SPMIP2: variants seen among roughly 807,000 people sequenced by gnomAD.
SPMIP2 encodes protein SPMIP2.
the SPMIP2 span, among the ~76,000 whole-genome samples, chr4:158,914,795 C>T: frequency 2.0e-5 from 3 of 152,180 alleles, no homozygotes; most frequent in African/African-American, 7.2e-5. Context: ...AGAATTCAAA[C>T]GGGTATAAGC....
chr4:158,959,719 C>T, the SPMIP2 span, among the ~76,000 whole-genome samples: 1 of 152,096 alleles, frequency 6.6e-6, no homozygotes, highest in Non-Finnish European at 1.5e-5. Flanking sequence ...GAATCTGAAT[C>T]ATATGTTATA....
At chr4:158,977,058 T>G in the SPMIP2 span, among the ~76,000 whole-genome samples, 1 of 152,164 alleles carries the variant, frequency 6.6e-6, no homozygotes, top group Non-Finnish European at 1.5e-5. Context: ...GAAATTTTCT[T>G]TTTTTGTTGT....
chr4:159,028,491 G>A, the SPMIP2 span, among the ~76,000 whole-genome samples: 1 of 151,928 alleles, frequency 6.6e-6, no homozygotes, highest in African/African-American at 2.4e-5. Context: ...CACCACACTC[G>A]GCTGATTTTT....
At chr4:159,053,862 G>A in the SPMIP2 span, among the ~76,000 whole-genome samples, 26 of 151,844 alleles carry the variant, frequency 1.7e-4, no homozygotes, top group African/African-American at 6.3e-4. Flanking sequence ...GCTGAGGTGG[G>A]AGGATTGCTT....
the SPMIP2 span, among the ~76,000 whole-genome samples, chr4:159,006,875 C>T: frequency 2.0e-5 from 3 of 152,240 alleles, no homozygotes; most frequent in East Asian, 1.9e-4. Context: ...CCACCACAAA[C>T]GAGGGCTGAG....
chr4:158,993,721 C>T, the SPMIP2 span, among the ~76,000 whole-genome samples: 9 of 152,154 alleles, frequency 5.9e-5, no homozygotes, highest in African/African-American at 1.9e-4. Context: ...ATAAACAATT[C>T]TTCATCATCT....
chr4:159,053,192 G>A, the SPMIP2 span, among the ~76,000 whole-genome samples: 3 of 151,492 alleles, frequency 2.0e-5, no homozygotes, highest in Non-Finnish European at 4.4e-5. Context: ...TCCTGACCTC[G>A]TGATCCGCCC....
the SPMIP2 span, among the ~76,000 whole-genome samples, chr4:158,927,264 T>C: frequency 6.6e-6 from 1 of 152,202 alleles, no homozygotes; most frequent in Non-Finnish European, 1.5e-5. Flanking sequence ...CTGTAACAAC[T>C]TTTGTCTTGG....
chr4:158,917,359 G>A, the SPMIP2 span, among the ~76,000 whole-genome samples: 3 of 150,922 alleles, frequency 2.0e-5, no homozygotes, highest in South Asian at 2.1e-4. Context: ...CCTGGGAGGC[G>A]GAGGTTGCAG....
the SPMIP2 span, among the ~76,000 whole-genome samples, chr4:158,917,982 G>A: frequency 2.6e-5 from 4 of 152,182 alleles, no homozygotes; most frequent in South Asian, 6.2e-4. Flanking sequence ...GCCTCCCAAA[G>A]TGCTGGGATT....
the SPMIP2 span, among the ~76,000 whole-genome samples, chr4:158,933,532 G>A: frequency 6.6e-6 from 1 of 152,076 alleles, no homozygotes; most frequent in Non-Finnish European, 1.5e-5. Flanking sequence ...TTACTTCATT[G>A]TAATGGTTCT....
the SPMIP2 span, among the ~76,000 whole-genome samples, chr4:158,963,586 C>G: frequency 6.6e-6 from 1 of 152,164 alleles, no homozygotes; most frequent in African/African-American, 2.4e-5. Flanking sequence ...TGTGCCCAGC[C>G]AGTAGGCAGA....
chr4:159,062,579 T>G, the SPMIP2 span, among the ~76,000 whole-genome samples: 1 of 152,188 alleles, frequency 6.6e-6, no homozygotes, highest in Non-Finnish European at 1.5e-5. Context: ...TTCAAAACCC[T>G]TTATCACCTC....
the SPMIP2 span, among the ~76,000 whole-genome samples, chr4:158,986,252 A>G: frequency 6.6e-6 from 1 of 151,882 alleles, no homozygotes; most frequent in African/African-American, 2.4e-5. Flanking sequence ...TCAAGCTACC[A>G]ATGACTTTCT....
the SPMIP2 span, among the ~76,000 whole-genome samples, chr4:158,933,632 G>A: frequency 6.6e-6 from 1 of 152,140 alleles, no homozygotes; most frequent in Non-Finnish European, 1.5e-5. Flanking sequence ...ATCTGTGATT[G>A]TTGACATTGC....
At chr4:158,938,519 C>G in the SPMIP2 span, among the ~76,000 whole-genome samples, 4 of 152,192 alleles carry the variant, frequency 2.6e-5, no homozygotes, top group Non-Finnish European at 2.9e-5. Flanking sequence ...TTAATTGAAA[C>G]AAGAAAGGTC....
At chr4:158,966,516 A>G in the SPMIP2 span, among the ~76,000 whole-genome samples, 1 of 152,226 alleles carries the variant, frequency 6.6e-6, no homozygotes, top group Non-Finnish European at 1.5e-5. Flanking sequence ...GTCATACTAC[A>G]CTTTTACTAG....
chr4:158,912,355 G>A, the SPMIP2 span, among the ~76,000 whole-genome samples: 1 of 152,104 alleles, frequency 6.6e-6, no homozygotes. Context: ...CTCAAAGCAT[G>A]GATATAAAAT....
chr4:158,981,870 T>A, the SPMIP2 span, among the ~76,000 whole-genome samples: 2 of 114,400 alleles, frequency 1.7e-5, no homozygotes, highest in African/African-American at 3.3e-5. Context: ...AATTCACACA[T>A]AACAATATTA....
Sources: gnomAD v4.1 joint callset for allele counts (sites outside exome capture counted in the v4.1 genomes callset) on GRCh38, gnomAD v4.1.1 for gene constraint, MANE v1.5 for transcripts, NCBI Gene and HGNC (gene_info 2026-07-23, HGNC 2026-07-21) for gene names.